FHIP1A: variants seen among roughly 807,000 people sequenced by gnomAD.
FHIP1A encodes FHF complex subunit HOOK interacting protein 1A.
FHIP1A carries 61 observed loss-of-function variants against 88.6 expected under a neutral mutation model. The observed-to-expected ratio is 0.69, with a 90% CI of 0.56 to 0.85. The LOEUF is 0.85. FHIP1A is among the 40% of genes least tolerant of loss of function. FHIP1A has a pLI of 0.00. For missense variants in FHIP1A, 1,154 were observed against 1,273.5 expected, an observed-to-expected ratio of 0.91 and a Z score of 1.43; for synonymous variants, 478 against 496.0, an observed-to-expected ratio of 0.96 and a Z score of 0.48.
intron 7 of FHIP1A, among the ~76,000 whole-genome samples, chr4:151,620,626 T>C (rs1046929977): frequency 1.3e-4 from 20 of 152,148 alleles, no homozygotes; most frequent in Admixed American, 1.0e-3. Flanking sequence ...AGAGGCTGAG[T>C]AGATCTACAG....
chr4:151,546,032 C>T (rs564237741), intron 3 of FHIP1A, among the ~76,000 whole-genome samples: 20 of 152,178 alleles, frequency 1.3e-4, no homozygotes, highest in African/African-American at 4.6e-4. Flanking sequence ...CAGAGGAGAT[C>T]AGTATGTGGG....
chr4:151,651,362 T>C (rs2126915065), intron 11 of FHIP1A, among the ~76,000 whole-genome samples: 1 of 152,276 alleles, frequency 6.6e-6, no homozygotes, highest in East Asian at 1.9e-4. Flanking sequence ...TTACAAATCA[T>C]GGTGCAGAGG....
At chr4:151,559,954 A>G (rs575561929) in intron 3 of FHIP1A, among the ~76,000 whole-genome samples, 12 of 152,172 alleles carry the variant, frequency 7.9e-5, no homozygotes, top group Non-Finnish European at 1.6e-4. Context: ...TGAACTGGCT[A>G]TTAGCCTGTT....
Position 151,610,079 on chromosome 4 carries a change from TTTCCCAGCTCTGCCAC to T in FHIP1A, c.979-19620_979-19605del, listed in dbSNP as rs1221255287. Among the ~76,000 whole-genome samples the T allele has an allele frequency of 5.3e-5, 8 of 152,292 alleles. No homozygotes were observed. In the East Asian group the frequency reaches 1.5e-3, roughly 29 times the overall value. ...TTTAGAGTCAGACTACCAGGATTGG[TTTCCCAGCTCTGCCAC>T]TTGCTAGCTCTGTGCCTTTGGTAGA... On this transcript the variant is annotated intron_variant, in intron 7 of 13. Transcript: ENST00000435205.
At position 151,664,582 on chromosome 4, in the gene FHIP1A, G is replaced by A. The variant is rs1002232820; in HGVS notation, c.*1828G>A. Among the ~76,000 whole-genome samples, 1 of 152,238 alleles carries A rather than the reference G, an allele frequency of 6.6e-6. No homozygotes were observed. The highest frequency in any genetic ancestry group is 2.4e-5 in the African/African-American group (1 of 41,470). The stretch of plus-strand genomic sequence containing the variant: ...AGAAGGGATGAAGCACAGCAGACTG[G>A]TCTGCTTCTGGCTTCCTGATGTCTG... On this transcript the variant is annotated 3_prime_UTR_variant, in exon 14 of 14. Coordinates refer to ENST00000435205, the MANE Select transcript of FHIP1A (RefSeq NM_001109977.3).
At position 151,629,865 on chromosome 4, in the gene FHIP1A, T is replaced by G; in HGVS notation, c.1142T>G (p.Phe381Cys). 6.4e-7 allele frequency: 1 copy of G among 1,550,838 alleles called. No individual in the cohort carries two copies. The highest frequency in any genetic ancestry group is 8.7e-7 in the Non-Finnish European group (1 of 1,146,444). The change falls in exon 8 of 14, where the codon TTT (phenylalanine) becomes TGT (cysteine). Residue 381 changes from phenylalanine (F) to cysteine (C), a missense_variant. Coordinates refer to ENST00000435205, the MANE Select transcript of FHIP1A (RefSeq NM_001109977.3). ...CTCACGAGTCGAATCAACACCCCGT[T>G]TCGGGTAAGGAGAGCGCCAGAGGAA... ...DTLTSRINTP[F>C]RLCVVSLALF...
At position 151,566,207 on chromosome 4, in the gene FHIP1A, C is replaced by T; in HGVS notation, c.-53C>T. 1 of 1,213,350 alleles carries T rather than the reference C, an allele frequency of 8.2e-7. No homozygotes were observed. Among genetic ancestry groups the T allele is most frequent in the Non-Finnish European group, 1.1e-6 (1 of 876,954 alleles). 75.2% of individuals were successfully genotyped at this position (1,213,350 alleles called of 1,614,324 possible). A position where few individuals can be genotyped will look rare whatever the true frequency, so the allele number is the denominator to read the frequency against. On this transcript the variant is annotated 5_prime_UTR_variant, in exon 4 of 14. Coordinates refer to ENST00000435205, the MANE Select transcript of FHIP1A (RefSeq NM_001109977.3). ...AACTTGAAAGTTAGTGACGGCTTAC[C>T]AAATTTTAATGAAAATTAAATATGA...
rs200882796 is a variant in FHIP1A, at chr4:151,531,501, CTTCT to C, written c.-122-34634_-122-34631del. The stretch of plus-strand genomic sequence containing the variant: ...ATCCCTGTACCGCATTTTCTTTTTT[CTTCT>C]TTTTTTTTTTTGCCTTATGAACCAG... On this transcript the variant is annotated intron_variant, in intron 3 of 13. Transcript: ENST00000435205. 1.7e-3 allele frequency among the ~76,000 whole-genome samples: 203 copies of C among 116,130 alleles called. 3 individuals carry two copies. The East Asian group carries it at 0.039, about 23-fold the overall frequency. 76.2% of individuals were successfully genotyped at this position (116,130 alleles called of 152,430 possible). A position where few individuals can be genotyped will look rare whatever the true frequency, so the allele number is the denominator to read the frequency against.
intron 1 of FHIP1A, among the ~76,000 whole-genome samples, chr4:151,429,160 C>T (rs1241659261): frequency 6.6e-6 from 1 of 151,696 alleles, no homozygotes; most frequent in African/African-American, 2.4e-5. Flanking sequence ...ATTAGACTTA[C>T]TGGTTATAAT....
intron 1 of FHIP1A, among the ~76,000 whole-genome samples, chr4:151,414,056 G>GT (rs775202254): frequency 1.9e-3 from 278 of 144,414 alleles, no homozygotes; most frequent in Admixed American, 4.8e-3. Context: ...GTGTTTGTTT[G>GT]TTTTTTTTTT....
At position 151,564,499 on chromosome 4, in the gene FHIP1A, T is replaced by C. The variant is rs563179811; in HGVS notation, c.-122-1639T>C. On this transcript the variant is annotated intron_variant, in intron 3 of 13. Coordinates refer to ENST00000435205, the MANE Select transcript of FHIP1A (RefSeq NM_001109977.3). ...TAAGATCACAGGGAGTGGCAGGGACTGTGGGGACGGGAGAATGCGTACCCT... is the reference window on the plus strand; with the variant it reads ...TAAGATCACAGGGAGTGGCAGGGACCGTGGGGACGGGAGAATGCGTACCCT... Among the ~76,000 whole-genome samples the C allele has an allele frequency of 3.2e-4, 49 of 152,326 alleles. No homozygotes were observed. In the South Asian group the frequency reaches 5.0e-3, roughly 15 times the overall value.
At chr4:151,643,202 T>C (rs1267199726) in intron 9 of FHIP1A, among the ~76,000 whole-genome samples, 9 of 152,342 alleles carry the variant, frequency 5.9e-5, no homozygotes, top group African/African-American at 2.2e-4. Context: ...ATTTCTAATC[T>C]TTTCCTGTGA....
chr4:151,476,215 CA>C (rs1405796633), intron 2 of FHIP1A, among the ~76,000 whole-genome samples: 1 of 144,738 alleles, frequency 6.9e-6, no homozygotes, highest in Non-Finnish European at 1.5e-5. Flanking sequence ...GATCATGGCT[CA>C]CTGTGGCCTC....
Position 151,556,460 on chromosome 4 carries a change from A to G in FHIP1A, c.-122-9678A>G, listed in dbSNP as rs185899261. 7.2e-5 allele frequency among the ~76,000 whole-genome samples: 11 copies of G among 152,310 alleles called. No homozygotes were observed. The East Asian group carries it at 2.1e-3, about 29-fold the overall frequency. On this transcript the variant is annotated intron_variant, in intron 3 of 13. Coordinates refer to ENST00000435205, the MANE Select transcript of FHIP1A (RefSeq NM_001109977.3). ...AAACACAGACATGTTTACTTAATGGAAAAATCTGTCTTTAATTTTACTTGA... is the reference window on the plus strand; with the variant it reads ...AAACACAGACATGTTTACTTAATGGGAAAATCTGTCTTTAATTTTACTTGA...
intron 7 of FHIP1A, among the ~76,000 whole-genome samples, chr4:151,628,034 A>G (rs776351014): frequency 1.3e-5 from 2 of 152,154 alleles, no homozygotes; most frequent in African/African-American, 4.8e-5. Flanking sequence ...AGACCATGAA[A>G]AGCACTCTTC....
chr4:151,479,779 T>C (rs1729831546), intron 2 of FHIP1A, among the ~76,000 whole-genome samples: 1 of 152,220 alleles, frequency 6.6e-6, no homozygotes, highest in South Asian at 2.1e-4. Flanking sequence ...GGTTTTGCTG[T>C]GCTTTTGTGT....
intron 1 of FHIP1A, among the ~76,000 whole-genome samples, chr4:151,416,294 CT>C (rs1732888294): frequency 6.6e-6 from 1 of 152,100 alleles, no homozygotes; most frequent in African/African-American, 2.4e-5. Flanking sequence ...TTAGTCCAAG[CT>C]TTTTTTCATA....
chr4:151,630,930 A>G (rs11931934), intron 8 of FHIP1A, among the ~76,000 whole-genome samples: 43,428 of 152,166 alleles, frequency 0.29, 6,437 homozygotes, highest in Non-Finnish European at 0.33. Context: ...AATCACAAGG[A>G]AAATGAGAAT....
At chr4:151,496,859 G>T (rs1372477507) in intron 3 of FHIP1A, among the ~76,000 whole-genome samples, 1 of 151,654 alleles carries the variant, frequency 6.6e-6, no homozygotes, top group Non-Finnish European at 1.5e-5. Context: ...ACTGCCCTTG[G>T]CCAGGAATAG....
Sources: gnomAD v4.1 joint callset for allele counts (sites outside exome capture counted in the v4.1 genomes callset) on GRCh38, gnomAD v4.1.1 for gene constraint, MANE v1.5 for transcripts, NCBI Gene and HGNC (gene_info 2026-07-23, HGNC 2026-07-21) for gene names.